PSD2: variants seen among roughly 807,000 people sequenced by gnomAD.
The protein encoded by PSD2 is pleckstrin and Sec7 domain containing 2.
A neutral mutation model predicts 69.8 loss-of-function variants in PSD2; 38 were observed. The observed-to-expected ratio is 0.54, with a 90% confidence interval of 0.42 to 0.71. PSD2 has a LOEUF of 0.71. Ranked by LOEUF, PSD2 falls within the 30% of genes least tolerant of loss-of-function variation. The pLI is 0.00. For synonymous variants in PSD2, 412 were observed against 423.0 expected, an observed-to-expected ratio of 0.97 and a Z score of 0.32; for missense variants, 943 against 1,014.5, an observed-to-expected ratio of 0.93 and a Z score of 0.96.
chr5:139,784,891 A>C, the PSD2 span, among the ~76,000 whole-genome samples: 1 of 151,894 alleles, frequency 6.6e-6, no homozygotes, highest in East Asian at 1.9e-4. Context: ...AGTAGCTGGG[A>C]TAACAGGTGT....
intron 7 of PSD2, among the ~76,000 whole-genome samples, chr5:139,824,557 C>T (rs1351901519): frequency 1.3e-5 from 2 of 151,994 alleles, no homozygotes; most frequent in Non-Finnish European, 2.9e-5. Context: ...CCACCACGCC[C>T]GGCTAATTTT....
chr5:139,742,765 A>C, the PSD2 span, among the ~76,000 whole-genome samples: 1 of 152,094 alleles, frequency 6.6e-6, no homozygotes, highest in African/African-American at 2.4e-5. Flanking sequence ...TGAGTGTGTG[A>C]GTGTATCTGG....
intron 14 of PSD2, 77 bp from the exon 15 acceptor site, chr5:139,842,194 A>G: frequency 8.5e-7 from 1 of 1,174,752 alleles, no homozygotes; most frequent in South Asian, 1.3e-5. Flanking sequence ...TAAGGAAATT[A>G]GTCTTTTGTC....
In PSD2 at chr5:139,833,930, A is replaced by G; in HGVS notation, c.1359+139A>G. 1.9e-5 allele frequency: 13 copies of G among 691,574 alleles called. No homozygotes were observed. In the South Asian group the frequency reaches 2.1e-4, roughly 11 times the overall value. The allele number at this position is 691,574 out of a possible 1,614,324, so 42.8% of individuals were successfully genotyped here. Reference sequence around the variant, plus strand: ...GGCCATGATGACAAAGTTAGAAACCACTGAGCTCAACATTTGGCTGTTCTG... The same window carrying G: ...GGCCATGATGACAAAGTTAGAAACCGCTGAGCTCAACATTTGGCTGTTCTG... On this transcript the variant is annotated intron_variant, in intron 8 of 14. Transcript: ENST00000274710.
At chr5:139,831,943 C>A (rs1760606471) in intron 7 of PSD2, among the ~76,000 whole-genome samples, 1 of 152,164 alleles carries the variant, frequency 6.6e-6, no homozygotes, top group Non-Finnish European at 1.5e-5. Context: ...TTTCTCCAAT[C>A]CTAAGAGGCC....
In PSD2 at chr5:139,842,344, T is replaced by C. The variant is rs776062800; in HGVS notation, c.2186T>C (p.Ile729Thr). Residue 729 changes from isoleucine (I) to threonine (T), a missense_variant, in exon 15 of 15, where the codon ATT becomes ACT. By Grantham distance (89) the Ile-to-Thr change is moderately conservative. Transcript: ENST00000274710. ...GTGGGCTCAGATGATCTGGAGCGGA[T>C]TGAGGCCCGGCTGGCCACTCTGGAA... ...IKVGSDDLER[I>T]EARLATLEGD... 7 of 1,614,226 alleles carry C rather than the reference T, an allele frequency of 4.3e-6. No individual in the cohort carries two copies. The East Asian group carries it at 1.1e-4, about 26-fold the overall frequency.
the PSD2 span, among the ~76,000 whole-genome samples, chr5:139,789,597 A>C: frequency 6.6e-6 from 1 of 152,236 alleles, no homozygotes; most frequent in Non-Finnish European, 1.5e-5. Context: ...AAAACAAAAC[A>C]AAAACAAAAA....
Position 139,837,491 on chromosome 5 carries a change from T to G in PSD2, c.1666-134T>G. 2 of 981,052 alleles carry G rather than the reference T, an allele frequency of 2.0e-6. No individual in the cohort carries two copies. Among genetic ancestry groups the G allele is most frequent in the Non-Finnish European group, 3.0e-6 (2 of 663,714 alleles). The allele number at this position is 981,052 out of a possible 1,614,324, so 60.8% of individuals were successfully genotyped here. On this transcript the variant is annotated intron_variant, in intron 11 of 14. Coordinates refer to ENST00000274710, the MANE Select transcript of PSD2 (RefSeq NM_032289.4). This position sits in a 1 kb window ranked among gnomAD's most constrained non-coding sequence, Gnocchi z 5.0. ...TGGGGTAAGGGGAGGAGTACCTGGA[T>G]TCTTGTTGGGGTGGGTGAGGCAGCA... is the stretch of plus-strand genomic sequence containing the variant.
Position 139,814,237 on chromosome 5 carries a change from C to T in PSD2, c.889C>T (p.Pro297Ser), listed in dbSNP as rs147317387. The change falls in exon 4 of 15, where the codon CCT becomes TCT. Residue 297 changes from proline to serine, a missense_variant. Pro to Ser is a moderately conservative substitution (Grantham distance 74). Transcript: ENST00000274710. This position sits in a 1 kb window ranked among gnomAD's most constrained non-coding sequence, Gnocchi z 4.4. ...SELSSSEGLE[P>S]GSADPLANGC... ...GCTCAGCAGCTCGGAGGGGTTGGAG[C>T]CTGGTAGTGCAGACCCTCTGGCCAA... The T allele has an allele frequency of 9.7e-5, 157 of 1,613,854 alleles. No individual in the cohort carries two copies. The African/African-American group carries it at 1.8e-3, about 18-fold the overall frequency.
At chr5:139,782,199 G>A in the PSD2 span, among the ~76,000 whole-genome samples, 1 of 151,884 alleles carries the variant, frequency 6.6e-6, no homozygotes, top group Non-Finnish European at 1.5e-5. Context: ...TTGTTTGTCT[G>A]TGAGACGGAG....
chr5:139,793,889 A>G (rs142139731), upstream of PSD2, among the ~76,000 whole-genome samples: 1 of 152,300 alleles, frequency 6.6e-6, no homozygotes, highest in East Asian at 1.9e-4. Context: ...CAGATGAGGA[A>G]GTAGGAGCCC....
At position 139,814,276 on chromosome 5, in the gene PSD2, G is replaced by T; in HGVS notation, c.928G>T (p.Val310Phe). 1.2e-6 allele frequency: 2 copies of T among 1,613,736 alleles called. No individual in the cohort carries two copies. Among genetic ancestry groups the T allele is most frequent in the East Asian group, 2.2e-5 (1 of 44,816 alleles). Residue 310 changes from valine to phenylalanine, a missense_variant, in exon 4 of 15, where the codon GTC becomes TTC. Transcript: ENST00000274710. The surrounding 1 kb of genome is among the most constrained non-coding windows in gnomAD (Gnocchi z 4.4). ...ADPLANGCQG[V>F]SEAAHRLARR... ...CCCTCTGGCCAACGGGTGCCAGGGG[G>T]TCAGTGAAGCTGCTCATCGGCTGGC...
At chr5:139,802,527 G>T (rs1369976149) in intron 1 of PSD2, among the ~76,000 whole-genome samples, 4 of 151,708 alleles carry the variant, frequency 2.6e-5, no homozygotes, top group African/African-American at 9.7e-5. Context: ...GTGGGTTGAA[G>T]CAGTGTGAGT....
At chr5:139,805,716 G>T (rs1197708087) in intron 1 of PSD2, among the ~76,000 whole-genome samples, 1 of 152,092 alleles carries the variant, frequency 6.6e-6, no homozygotes, top group African/African-American at 2.4e-5. Context: ...TCTAGGCCAC[G>T]GGTATAGCTG....
In PSD2 at chr5:139,842,639, T is replaced by C; in HGVS notation, c.*165T>C. The C allele has an allele frequency of 1.6e-6, 1 of 630,230 alleles. No individual in the cohort carries two copies. Among genetic ancestry groups the C allele is most frequent in the Non-Finnish European group, 2.8e-6 (1 of 361,330 alleles). The allele number at this position is 630,230 out of a possible 1,614,324, so 39.0% of individuals were successfully genotyped here. A position where few individuals can be genotyped will look rare whatever the true frequency, so the allele number is the denominator to read the frequency against. On this transcript the variant is annotated 3_prime_UTR_variant, in exon 15 of 15. Coordinates refer to ENST00000274710, the MANE Select transcript of PSD2 (RefSeq NM_032289.4). ...GGAGATGGAGATGCCGTTTGTGGCG[T>C]TGATCTCCTTGCGTCCTTGGGCATC...
At chr5:139,841,248 A>AT (rs903903410) in intron 14 of PSD2, among the ~76,000 whole-genome samples, 3 of 151,558 alleles carry the variant, frequency 2.0e-5, no homozygotes, top group African/African-American at 4.8e-5. Context: ...GAGTTTGCAA[A>AT]TTTTTTTTTG....
At chr5:139,798,134 T>C (rs559881735) in intron 1 of PSD2, among the ~76,000 whole-genome samples, 6 of 152,328 alleles carry the variant, frequency 3.9e-5, no homozygotes, top group Admixed American at 3.3e-4. Context: ...AGACTGGCTC[T>C]CCAAACAGGA....
intron 5 of PSD2, among the ~76,000 whole-genome samples, chr5:139,818,593 C>G (rs902573614): frequency 2.6e-5 from 4 of 152,112 alleles, no homozygotes; most frequent in African/African-American, 9.7e-5. Context: ...AAAGTAATTT[C>G]CATTCTTTTT....
At chr5:139,779,435 T>C in the PSD2 span, among the ~76,000 whole-genome samples, 1 of 152,216 alleles carries the variant, frequency 6.6e-6, no homozygotes, top group Non-Finnish European at 1.5e-5. Context: ...CATCAAGTCA[T>C]CTTTTTTGAG....
Sources: gnomAD v4.1 joint callset for allele counts (sites outside exome capture counted in the v4.1 genomes callset) on GRCh38, gnomAD v4.1.1 for gene constraint, Gnocchi (gnomAD v3.1) non-coding constraint, MANE v1.5 for transcripts, NCBI Gene and HGNC (gene_info 2026-07-23, HGNC 2026-07-21) for gene names.